Variants in NACA observed in about 807,000 individuals in gnomAD.
NACA encodes nascent polypeptide associated complex subunit alpha.
Under a neutral mutation model 86.4 loss-of-function variants are expected in NACA, and 42 were observed. The ratio of observed to expected loss-of-function variants is 0.49; its 90% CI spans 0.38 to 0.63. The LOEUF is 0.63. NACA is among the 20% of genes least tolerant of loss of function. The pLI is 0.00. For missense variants in NACA, 2,157 were observed against 2,483.6 expected (o/e 0.87, Z 2.80); for synonymous variants, 898 against 973.7 (o/e 0.92, Z 1.45).
intron 3 of NACA, 137 bp downstream of exon 3, chr12:56,715,734 C>A: frequency 1.3e-6 from 1 of 772,400 alleles, no homozygotes; most frequent in Non-Finnish European, 1.9e-6. Flanking sequence ...TTAAAATTAT[C>A]ATTCTATGTT....
chr12:56,718,227 C>T lies in NACA; in HGVS notation c.3303G>A (p.Gly1101=). ...GAGTTGCAGCTGGGGGCATGGGGGC[C>T]CCTTTGGGGGATGGGGTAGCTGGGC... ...KGGPATPSPK[G]APMPPAATPP... The change falls in exon 3 of 9, where the codon GGG becomes GGA. Residue 1101 remains glycine, a synonymous_variant. Transcript: ENST00000454682. 8.8e-7 allele frequency: 1 copy of T among 1,133,952 alleles called. No homozygotes were observed. Among genetic ancestry groups the T allele is most frequent in the African/African-American group, 1.7e-5 (1 of 59,804 alleles). 70.2% of individuals were successfully genotyped at this position (1,133,952 alleles called of 1,614,324 possible). A position where few individuals can be genotyped will look rare whatever the true frequency, so the allele number is the denominator to read the frequency against.
intron 8 of NACA, 62 bp downstream of exon 8, chr12:56,712,724 A>G: frequency 6.2e-7 from 1 of 1,609,470 alleles, no homozygotes; most frequent in Non-Finnish European, 8.5e-7. Flanking sequence ...GCAAGACAAA[A>G]TAAAGTCACT....
Position 56,719,455 on chromosome 12 carries a change from T to A in NACA, c.2075A>T (p.Glu692Val). 1 of 1,613,624 alleles carries A rather than the reference T, an allele frequency of 6.2e-7. No individual in the cohort carries two copies. The highest frequency in any genetic ancestry group is 1.7e-4 in the Middle Eastern group (1 of 6,060). Reference protein sequence around the residue: ...SLAPKNHPVKEGTLTTLPLVP... With the variant: ...SLAPKNHPVKVGTLTTLPLVP... Reference sequence around the variant, plus strand: ...CAAGGGTAAAGTAGTAAGAGTACCTTCCTTAACTGGGTGGTTTTTAGGAGC... The same window carrying A: ...CAAGGGTAAAGTAGTAAGAGTACCTACCTTAACTGGGTGGTTTTTAGGAGC... The change falls in exon 3 of 9, where the codon GAA becomes GTA. Residue 692 changes from glutamate (E) to valine (V), a missense_variant. Glu to Val is a moderately radical substitution (Grantham distance 121). Transcript: ENST00000454682.
chr12:56,724,201 C>T (rs1276240975), intron 2 of NACA, among the ~76,000 whole-genome samples: 1 of 152,156 alleles, frequency 6.6e-6, no homozygotes, highest in Non-Finnish European at 1.5e-5. Context: ...CACAGGAGAG[C>T]TTCTTTTGAG....
chr12:56,719,858 T>C lies in NACA; in HGVS notation c.1672A>G (p.Thr558Ala). The C allele has an allele frequency of 1.2e-6, 2 of 1,613,774 alleles. No individual in the cohort carries two copies. The highest frequency in any genetic ancestry group is 1.3e-5 in the African/African-American group (1 of 74,962). ...GCTGCCTGGACTAACGGTAATACAG[T>C]AGGGTCTTTCTTGGTGGTGAGTCCT... ...QAGLTTKKDP[T>A]VLPLVQAAPK... Residue 558 changes from threonine to alanine, a missense_variant, in exon 3 of 9, where the codon ACT (threonine) becomes GCT (alanine). Around this residue, in one of 8 missense-constraint regions of NACA, gnomAD observed 947 missense variants for 917.9 expected, o/e 1.03. Transcript: ENST00000454682.
rs1209238735 is a variant in NACA, at chr12:56,719,599, G to A, written c.1931C>T (p.Thr644Ile). 1.2e-6 allele frequency: 2 copies of A among 1,613,960 alleles called. No homozygotes were observed. The highest frequency in any genetic ancestry group is 1.7e-6 in the Non-Finnish European group (2 of 1,179,878). Reference protein sequence around the residue: ...PLLKSSLITPTVAAFPLESAD... With the variant: ...PLLKSSLITPIVAAFPLESAD... ...ACTTTCCAAAGGAAATGCAGCCACT[G>A]TTGGGGTAATGAGAGAACTTTTGAG... Residue 644 changes from threonine (T) to isoleucine (I), a missense_variant, in exon 3 of 9, where the codon ACA (threonine) becomes ATA (isoleucine). Around this residue, in one of 8 missense-constraint regions of NACA, gnomAD observed 947 missense variants for 917.9 expected, o/e 1.03. Transcript: ENST00000454682.
At position 56,719,685 on chromosome 12, in the gene NACA, G is replaced by A. The variant is rs751352879; in HGVS notation, c.1845C>T (p.Asn615=). ...CTGTCTTGATTACAGAGGCCGAGGA[G>A]TTAACACCCAGAGGGGAGGTCATAC... is the stretch of plus-strand genomic sequence containing the variant. ...ASSMTSPLGV[N]SSASVIKTDS... The change falls in exon 3 of 9, where the codon AAC becomes AAT. Residue 615 remains asparagine (N), a synonymous_variant. Transcript: ENST00000454682. The A allele has an allele frequency of 9.3e-6, 15 of 1,613,858 alleles. No individual in the cohort carries two copies. The South Asian group carries it at 1.5e-4, about 17-fold the overall frequency.
chr12:56,714,867 G>A, intron 3 of NACA, 180 bp from the exon 4 acceptor site: 2 of 609,308 alleles, frequency 3.3e-6, no homozygotes, highest in South Asian at 1.9e-5. Context: ...TAACTAGCGG[G>A]TACACATCTA....
chr12:56,717,353 GTCC>G lies in NACA; in HGVS notation c.4174_4176del (p.Gly1392del), dbSNP rs752373005. On this transcript the variant is annotated inframe_deletion, in exon 3 of 9. Transcript: ENST00000454682. The stretch of plus-strand genomic sequence containing the variant: ...TCCCCTTTGGGAGATGGGATAGCTG[GTCC>G]TCTTTTGGGGGAGGGAGGAGTCATA... The G allele has an allele frequency of 2.5e-5, 34 of 1,364,010 alleles. No individual in the cohort carries two copies. Among genetic ancestry groups the G allele is most frequent in the Non-Finnish European group, 3.3e-5 (34 of 1,035,260 alleles). The allele number at this position is 1,364,010 out of a possible 1,614,324, so 84.5% of individuals were successfully genotyped here. A position where few individuals can be genotyped will look rare whatever the true frequency, so the allele number is the denominator to read the frequency against.
At position 56,716,603 on chromosome 12, in the gene NACA, T is replaced by A. The variant is rs369529375; in HGVS notation, c.4927A>T (p.Thr1643Ser). ...GGGGAGTCTTTGAGGGAGGAAGGAG[T>A]CACAGGTGGGGAAGTGGGAGTCCCT... ...PKGTPTSPPV[T>S]PSSLKDSPTS... is the part of the protein sequence containing the mutation. The change falls in exon 3 of 9, where the codon ACT becomes TCT. Residue 1643 changes from threonine (T) to serine (S), a missense_variant. Around this residue, in one of 8 missense-constraint regions of NACA, gnomAD observed 797 missense variants for 777.6 expected, o/e 1.02. Transcript: ENST00000454682. 6.9e-7 allele frequency: 1 copy of A among 1,451,246 alleles called. No individual in the cohort carries two copies. Among genetic ancestry groups the A allele is most frequent in the African/African-American group, 1.4e-5 (1 of 71,568 alleles). The allele number at this position is 1,451,246 out of a possible 1,614,324, so 89.9% of individuals were successfully genotyped here.
In NACA at chr12:56,720,007, G is replaced by A. The variant is rs768949803; in HGVS notation, c.1523C>T (p.Pro508Leu). 14 of 1,613,886 alleles carry A rather than the reference G, an allele frequency of 8.7e-6. No homozygotes were observed. Among genetic ancestry groups the A allele is most frequent in the Middle Eastern group, 1.6e-4 (1 of 6,062 alleles). Residue 508 changes from proline to leucine, a missense_variant, in exon 3 of 9, where the codon CCT becomes CTT. Transcript: ENST00000454682. ...TTTGAGGTCTTCAGGGTCTGGCAGA[G>A]GAGGAGAGACTGGTATCCTCAGAGT... ...ATTLRIPVSP[P>L]LPDPEDLKNL...
At chr12:56,724,620 G>T in intron 1 of NACA, 97 bp from the exon 2 acceptor site, 1 of 1,336,562 alleles carries the variant, frequency 7.5e-7, no homozygotes, top group Non-Finnish European at 1.0e-6. Context: ...GAGGAGGGCT[G>T]TTAGAAAAAA....
chr12:56,722,974 C>G (rs1953614098), intron 2 of NACA, among the ~76,000 whole-genome samples: 1 of 152,174 alleles, frequency 6.6e-6, no homozygotes, highest in South Asian at 2.1e-4. Flanking sequence ...GGCATCCTAC[C>G]ATGGAAAAGA....
Position 56,716,621 on chromosome 12 carries a change from G to A in NACA, c.4909C>T (p.Pro1637Ser), listed in dbSNP as rs1409819590. Residue 1637 changes from proline (P) to serine (S), a missense_variant, in exon 3 of 9, where the codon CCC (proline) becomes TCC (serine). By Grantham distance (74) the Pro-to-Ser change is moderately conservative (BLOSUM62 -1). Coordinates refer to ENST00000454682, the MANE Select transcript of NACA (RefSeq NM_001365896.1). ...GAAGGAGTCACAGGTGGGGAAGTGG[G>A]AGTCCCTTTGGGGGCTGGAGTTGCT... ...GPATPAPKGT[P>S]TSPPVTPSSL... 1.0e-5 allele frequency: 15 copies of A among 1,449,542 alleles called. No homozygotes were observed. The East Asian group carries it at 4.2e-4, about 40-fold the overall frequency. The allele number at this position is 1,449,542 out of a possible 1,614,324, so 89.8% of individuals were successfully genotyped here. A position where few individuals can be genotyped will look rare whatever the true frequency, so the allele number is the denominator to read the frequency against.
In NACA at chr12:56,716,703, G is replaced by C. The variant is rs541975611; in HGVS notation, c.4827C>G (p.Ser1609=). 2 of 1,411,092 alleles carry C rather than the reference G, an allele frequency of 1.4e-6. No homozygotes were observed. Among genetic ancestry groups the C allele is most frequent in the South Asian group, 2.4e-5 (2 of 83,580 alleles). 87.4% of individuals were successfully genotyped at this position (1,411,092 alleles called of 1,614,324 possible). ...CTGGAGGAGTAGGTGCCTCTTTGGG[G>C]GAAGGAGAAGTCACAGCTGGTGGAA... The part of the protein sequence containing the change: ...LLIPPAVTSP[S]PKEAPTPPAV... Residue 1609 remains serine (S), a synonymous_variant, in exon 3 of 9, where the codon TCC becomes TCG. Coordinates refer to ENST00000454682, the MANE Select transcript of NACA (RefSeq NM_001365896.1).
rs1953555667 is a variant in NACA at position 56,720,906 on chromosome 12, T to A, written c.624A>T (p.Ile208=). 3 of 1,613,790 alleles carry A rather than the reference T, an allele frequency of 1.9e-6. No homozygotes were observed. ...NPKGTPSPPC[I]VSTVPYHCVT... is the part of the protein sequence containing the mutation. Reference sequence around the variant, plus strand: ...CACAGTGGTAAGGAACAGTACTGACTATACATGGAGGGCTGGGGGTGCCTT... The same window carrying A: ...CACAGTGGTAAGGAACAGTACTGACAATACATGGAGGGCTGGGGGTGCCTT... The change falls in exon 3 of 9, where the codon ATA becomes ATT. Residue 208 remains isoleucine (I), a synonymous_variant. Transcript: ENST00000454682.
Position 56,717,324 on chromosome 12 carries a change from G to A in NACA, c.4206C>T (p.Pro1402=). The A allele has an allele frequency of 7.3e-7, 1 of 1,361,550 alleles. No individual in the cohort carries two copies. The allele number at this position is 1,361,550 out of a possible 1,614,324, so 84.3% of individuals were successfully genotyped here. A position where few individuals can be genotyped will look rare whatever the true frequency, so the allele number is the denominator to read the frequency against. The change falls in exon 3 of 9, where the codon CCC becomes CCT. Residue 1402 remains proline, a synonymous_variant. Coordinates refer to ENST00000454682, the MANE Select transcript of NACA (RefSeq NM_001365896.1). ...AGAGAGGAATCACTGCTGGGGAAGT[G>A]GGGTCCCCTTTGGGAGATGGGATAG... ...GPAIPSPKGD[P]TSPAVIPLSP...
rs766437115 is a variant in NACA, at chr12:56,716,591, G to C, written c.4939C>G (p.Leu1647Val). The change falls in exon 3 of 9, where the codon CTC becomes GTC. Residue 1647 changes from leucine to valine, a missense_variant. Coordinates refer to ENST00000454682, the MANE Select transcript of NACA (RefSeq NM_001365896.1). The part of the protein sequence containing the change: ...PTSPPVTPSS[L>V]KDSPTSPASV... ...GCTGGGGAAGTAGGGGAGTCTTTGA[G>C]GGAGGAAGGAGTCACAGGTGGGGAA... 6.2e-6 allele frequency: 9 copies of C among 1,453,844 alleles called. No homozygotes were observed. The East Asian group carries it at 8.9e-5, about 14-fold the overall frequency. 90.1% of individuals were successfully genotyped at this position (1,453,844 alleles called of 1,614,324 possible).
At position 56,713,028 on chromosome 12, in the gene NACA, C is replaced by T. The variant is rs375914904; in HGVS notation, c.6099+34G>A. On this transcript the variant is annotated intron_variant, in intron 7 of 8. Coordinates refer to ENST00000454682, the MANE Select transcript of NACA (RefSeq NM_001365896.1). ...CCAACACGAACACAATGCTATACGG[C>T]GAGAGTTAAATTATGAAAGATTTCC... 109 of 1,613,094 alleles carry T rather than the reference C, an allele frequency of 6.8e-5. No individual in the cohort carries two copies. In the South Asian group the frequency reaches 9.3e-4, roughly 14 times the overall value.
Sources: allele counts gnomAD v4.1 joint callset (sites outside exome capture counted in the v4.1 genomes callset), GRCh38; gene constraint gnomAD v4.1.1; regional missense constraint gnomAD v4.1.1; transcripts MANE v1.5; gene names NCBI Gene and HGNC (gene_info 2026-07-23, HGNC 2026-07-21).